The following ANKFN1 variants were observed in gnomAD, a reference collection of about 807,000 sequenced individuals.
The protein encoded by ANKFN1 is ankyrin repeat and fibronectin type III domain containing 1, also known as ankyrin repeat and fibronectin type-III domain-containing protein 1.
A neutral mutation model predicts 108.7 loss-of-function variants in ANKFN1; 74 were observed. The ratio of observed to expected loss-of-function variants is 0.68; its 90% CI spans 0.56 to 0.83. The LOEUF (loss-of-function observed/expected upper bound fraction) is 0.83, where lower values mean the gene tolerates loss of function less well. ANKFN1 is among the 40% of genes least tolerant of loss of function. The pLI, the probability that ANKFN1 is intolerant of heterozygous loss-of-function variation, is 0.00. For synonymous variants in ANKFN1, 547 were observed against 516.2 expected, an observed-to-expected ratio of 1.06 and a Z score of -0.81; for missense variants, 1,505 against 1,382.3, an observed-to-expected ratio of 1.09 and a Z score of -1.41.
chr17:56,480,944 C>A, intron 17 of ANKFN1, 126 bp downstream of exon 17: 2 of 1,157,370 alleles, frequency 1.7e-6, no homozygotes, highest in Admixed American at 2.1e-5. Flanking sequence ...TACTTAAACA[C>A]CACTTTGCAA....
intron 3 of ANKFN1, among the ~76,000 whole-genome samples, chr17:56,247,191 C>T (rs1356944518): frequency 2.0e-5 from 3 of 152,136 alleles, no homozygotes; most frequent in Non-Finnish European, 4.4e-5. Flanking sequence ...TTGGCATTGC[C>T]GTGAAATCTG....
chr17:56,129,174 G>A (rs556244323), intron 4 of ANKFN1, among the ~76,000 whole-genome samples: 1 of 152,076 alleles, frequency 6.6e-6, no homozygotes, highest in East Asian at 1.9e-4. Context: ...GCATCATGTG[G>A]CTTCCTATAA....
At chr17:56,208,858 G>A (rs923694042) in intron 1 of ANKFN1, among the ~76,000 whole-genome samples, 3 of 152,038 alleles carry the variant, frequency 2.0e-5, no homozygotes, top group Non-Finnish European at 4.4e-5. Flanking sequence ...TTAGGCACCA[G>A]TCATGATGCC....
chr17:56,356,933 T>C (rs904161048), intron 6 of ANKFN1, among the ~76,000 whole-genome samples: 1 of 152,194 alleles, frequency 6.6e-6, no homozygotes, highest in African/African-American at 2.4e-5. Flanking sequence ...GCATTTTCTG[T>C]GAAAACAGTA....
chr17:56,113,924 T>A (rs1906117702), intron 4 of ANKFN1, among the ~76,000 whole-genome samples: 1 of 152,144 alleles, frequency 6.6e-6, no homozygotes, highest in African/African-American at 2.4e-5. Context: ...AGGGGAATGA[T>A]TAATTATCTT....
intron 4 of ANKFN1, among the ~76,000 whole-genome samples, chr17:56,132,837 A>C (rs1224615925): frequency 6.6e-6 from 1 of 152,082 alleles, no homozygotes; most frequent in Admixed American, 6.6e-5. Flanking sequence ...CCTATGCATG[A>C]GTGGGAAGCT....
At chr17:56,187,014 C>T (rs1298832658) in intron 1 of ANKFN1, among the ~76,000 whole-genome samples, 1 of 152,172 alleles carries the variant, frequency 6.6e-6, no homozygotes, top group Non-Finnish European at 1.5e-5. Context: ...CCATTCAGGA[C>T]ATAGGCATGG....
intron 4 of ANKFN1, among the ~76,000 whole-genome samples, chr17:56,085,509 C>T (rs1013152106): frequency 1.3e-5 from 2 of 150,982 alleles, no homozygotes; most frequent in South Asian, 2.1e-4. Flanking sequence ...ACCAATACCT[C>T]GATTTCAGAC....
At chr17:56,417,480 G>T (rs78570623) in intron 8 of ANKFN1, among the ~76,000 whole-genome samples, 3 of 152,202 alleles carry the variant, frequency 2.0e-5, no homozygotes, top group Non-Finnish European at 4.4e-5. Flanking sequence ...AAGCCCTGCA[G>T]CAGGGACTAT....
At chr17:56,255,817 A>G (rs1012629962) in intron 3 of ANKFN1, among the ~76,000 whole-genome samples, 2 of 152,210 alleles carry the variant, frequency 1.3e-5, no homozygotes, top group Non-Finnish European at 2.9e-5. Context: ...TTAAGCATCC[A>G]TAATCTAATA....
At chr17:56,439,356 A>T (rs1015367404) in intron 8 of ANKFN1, among the ~76,000 whole-genome samples, 1 of 152,154 alleles carries the variant, frequency 6.6e-6, no homozygotes. Context: ...TGCTTCATTT[A>T]TGCTTGCCTT....
chr17:56,283,908 C>A (rs1415284058), intron 3 of ANKFN1, among the ~76,000 whole-genome samples: 1 of 151,856 alleles, frequency 6.6e-6, no homozygotes, highest in Non-Finnish European at 1.5e-5. Context: ...AAAAAAAAAT[C>A]TTATTCTTTT....
At chr17:56,266,729 C>A (rs937714886) in intron 3 of ANKFN1, among the ~76,000 whole-genome samples, 8 of 151,930 alleles carry the variant, frequency 5.3e-5, no homozygotes, top group Admixed American at 5.3e-4. Flanking sequence ...TGTTAAAGAC[C>A]GTGTAATTCA....
At chr17:56,067,273 C>T (rs1905071204) in intron 4 of ANKFN1, among the ~76,000 whole-genome samples, 1 of 152,106 alleles carries the variant, frequency 6.6e-6, no homozygotes, top group Admixed American at 6.5e-5. Context: ...TTTATCCATC[C>T]GTGGACACTT....
chr17:56,354,339 T>G lies in ANKFN1; in HGVS notation c.601+293T>G, dbSNP rs185632557. Among the ~76,000 whole-genome samples the G allele has an allele frequency of 3.0e-3, 457 of 152,344 alleles. 2 individuals are homozygous for G. The highest frequency in any genetic ancestry group is 8.1e-3 in the South Asian group (39 of 4,828). On this transcript the variant is annotated intron_variant, in intron 6 of 20. Transcript: ENST00000682825. The stretch of plus-strand genomic sequence containing the variant: ...ATGTGAGATACTCCAAGTGAGGATA[T>G]AGAATAGGAGATATATATAGAAGAA...
rs61494269 is a variant in ANKFN1, at chr17:56,332,979, G to GTATATATATATATATATATA, written c.188+6626_188+6645dup. 1.5e-3 allele frequency among the ~76,000 whole-genome samples: 219 copies of GTATATATATATATATATATA among 147,762 alleles called. 2 individuals are homozygous for GTATATATATATATATATATA. The highest frequency in any genetic ancestry group is 5.4e-3 in the African/African-American group (212 of 39,506). ...ATGAACAAGGTGTGTATATATGTGTGTATATATATATATATATATATCTTC... is the reference window on the plus strand; with the variant it reads ...ATGAACAAGGTGTGTATATATGTGTGTATATATATATATATATATATATATATATATATATATATATCTTC... On this transcript the variant is annotated intron_variant, in intron 4 of 20. Transcript: ENST00000682825.
rs775419439 is a variant in ANKFN1, at chr17:56,511,150, G to T, written c.3322G>T (p.Ala1108Ser). ...AVVAQDEKPW[A>S]SLSPPSGGRI... is the part of the protein sequence containing the mutation. ...GGTGGCCCAGGACGAAAAACCATGG[G>T]CAAGCTTGAGCCCGCCCTCTGGAGG... The change falls in exon 21 of 21, where the codon GCA becomes TCA. Residue 1108 changes from alanine (A) to serine (S), a missense_variant. Coordinates refer to ENST00000682825, the MANE Select transcript of ANKFN1 (RefSeq NM_001370326.1). 56 of 1,535,950 alleles carry T rather than the reference G, an allele frequency of 3.6e-5. No homozygotes were observed. Among genetic ancestry groups the T allele is most frequent in the Middle Eastern group, 1.7e-4 (1 of 5,992 alleles).
intron 1 of ANKFN1, among the ~76,000 whole-genome samples, chr17:56,169,621 G>A (rs1375384778): frequency 1.3e-5 from 2 of 152,156 alleles, no homozygotes; most frequent in Non-Finnish European, 2.9e-5. Flanking sequence ...GAAAGGGATG[G>A]AGGGTAGCAG....
At chr17:56,153,574 G>A in intron 1 of ANKFN1, 44 bp downstream of exon 1, 7 of 1,611,338 alleles carry the variant, frequency 4.3e-6, no homozygotes, top group Non-Finnish European at 5.9e-6. Flanking sequence ...GGTGTTTGGA[G>A]GCCATTGTTT....
Sources: allele counts gnomAD v4.1 joint callset (sites outside exome capture counted in the v4.1 genomes callset), GRCh38; gene constraint gnomAD v4.1.1; transcripts MANE v1.5; gene names NCBI Gene and HGNC (gene_info 2026-07-23, HGNC 2026-07-21).